PTCH1: variants seen among roughly 807,000 people sequenced by gnomAD.
PTCH1 encodes patched 1.
PTCH1 carries 14 observed loss-of-function variants against 144.6 expected under a neutral mutation model. That is an observed-to-expected ratio of 0.10 (90% CI 0.06 to 0.15). The LOEUF (loss-of-function observed/expected upper bound fraction) is 0.15, where lower values mean the gene tolerates loss of function less well. Among genes scored for constraint, PTCH1 ranks in the 10% least tolerant of loss-of-function variants. The pLI is 1.00. For missense variants in PTCH1, 1,623 were observed against 1,948.3 expected (o/e 0.83, Z 3.14); for synonymous variants, 833 against 793.6 (o/e 1.05, Z -0.83).
At chr9:95,487,365 G>A (rs1450350036) in intron 2 of PTCH1, among the ~76,000 whole-genome samples, 1 of 152,204 alleles carries the variant, frequency 6.6e-6, no homozygotes, top group African/African-American at 2.4e-5. Flanking sequence ...GGGCATTGCC[G>A]AGGGCCTTGC....
intron 12 of PTCH1, among the ~76,000 whole-genome samples, chr9:95,472,212 A>T (rs1004571646): frequency 2.0e-5 from 3 of 152,168 alleles, no homozygotes; most frequent in Non-Finnish European, 4.4e-5. Context: ...GATCGTTCAT[A>T]CCTGATTCAT....
At chr9:95,493,142 G>A (rs1300349823) in intron 2 of PTCH1, among the ~76,000 whole-genome samples, 1 of 152,206 alleles carries the variant, frequency 6.6e-6, no homozygotes, top group Non-Finnish European at 1.5e-5. Flanking sequence ...AGCTGACCCA[G>A]AGGCCCATAC....
At chr9:95,516,623 C>A in exon 1 of PTCH1, 1 of 1,608,678 alleles carries the variant, frequency 6.2e-7, no homozygotes, top group East Asian at 2.2e-5. Flanking sequence ...TCCCCCTTGC[C>A]TTGTCGCTGC....
intron 3 of PTCH1, 38 bp downstream of exon 3, chr9:95,485,647 C>CCTG (rs1419554208): frequency 1.2e-6 from 2 of 1,612,726 alleles, no homozygotes; most frequent in African/African-American, 2.7e-5. Context: ...CACCGCCTTA[C>CCTG]CTGCTGCTCA....
chr9:95,476,114 G>A lies in PTCH1; in HGVS notation c.1648C>T (p.Leu550Phe). 1 of 1,613,724 alleles carries A rather than the reference G, an allele frequency of 6.2e-7. No homozygotes were observed. Among genetic ancestry groups the A allele is most frequent in the Non-Finnish European group, 8.5e-7 (1 of 1,179,862 alleles). ...GCTGTGACATTGCTGATGGACGTGAGGGCCACGCTGGCTCCTGTGCGCTTC... is the reference window on the plus strand; with the variant it reads ...GCTGTGACATTGCTGATGGACGTGAAGGCCACGCTGGCTCCTGTGCGCTTC... ...CLKRTGASVA[L>F]TSISNVTAFF... The change falls in exon 12 of 24, where the codon CTC becomes TTC. Residue 550 changes from leucine (L) to phenylalanine (F), a missense_variant. Coordinates refer to ENST00000331920, the MANE Select transcript of PTCH1 (RefSeq NM_000264.5). The surrounding 1 kb of genome is among the most constrained non-coding windows in gnomAD (Gnocchi z 4.6).
At chr9:95,469,696 T>G in intron 13 of PTCH1, 117 bp downstream of exon 13, 10 of 1,050,818 alleles carry the variant, frequency 9.5e-6, no homozygotes, top group Non-Finnish European at 1.5e-5. Context: ...CCCTACGTTC[T>G]CCACACCAGC....
At chr9:95,488,378 T>C (rs1446222833) in intron 2 of PTCH1, among the ~76,000 whole-genome samples, 1 of 152,214 alleles carries the variant, frequency 6.6e-6, no homozygotes, top group Non-Finnish European at 1.5e-5. Flanking sequence ...GCCAAGCAAC[T>C]AGAGTTGAGA....
upstream of PTCH1, among the ~76,000 whole-genome samples, chr9:95,511,393 C>T (rs1003866199): frequency 4.6e-5 from 7 of 152,222 alleles, no homozygotes; most frequent in East Asian, 7.7e-4. Context: ...GGAGGCCCTT[C>T]CCCCGACCCC....
At chr9:95,515,110 C>T (rs1055491298) in intron 1 of PTCH1, among the ~76,000 whole-genome samples, 9 of 152,096 alleles carry the variant, frequency 5.9e-5, no homozygotes, top group African/African-American at 2.2e-4. Flanking sequence ...TTTTAAGTTG[C>T]AATAACAAAG....
chr9:95,485,133 G>T (rs1841866813), intron 3 of PTCH1, among the ~76,000 whole-genome samples: 1 of 152,036 alleles, frequency 6.6e-6, no homozygotes, highest in South Asian at 2.1e-4. Context: ...TTAAACCCGG[G>T]AGGCAGAGGT....
rs749296474 is a variant in PTCH1 at position 95,476,804 on chromosome 9, G to A, written c.1557C>T (p.Ala519=). ...TCTGTCCTGTTTCACTGAAGGCGTG[G>A]GCCAGAAGAAAAACATCATCCACAC... ...GVGVDDVFLL[A]HAFSETGQNK... The change falls in exon 11 of 24, where the codon GCC becomes GCT. Residue 519 remains alanine (A), a synonymous_variant. Transcript: ENST00000331920. This position sits in a 1 kb window ranked among gnomAD's most constrained non-coding sequence, Gnocchi z 4.6. 3 of 1,614,046 alleles carry A rather than the reference G, an allele frequency of 1.9e-6. No homozygotes were observed. In the East Asian group the frequency reaches 6.7e-5, roughly 36 times the overall value.
intron 2 of PTCH1, among the ~76,000 whole-genome samples, chr9:95,492,062 G>A (rs1842443583): frequency 6.6e-6 from 1 of 152,120 alleles, no homozygotes; most frequent in Admixed American, 6.5e-5. Flanking sequence ...GAAACATTCT[G>A]AAAAGCCATC....
rs1554702047 is a variant in PTCH1, at chr9:95,485,710, G to A, written c.559C>T (p.Arg187Cys). ...QHLDSALQASRVHVYMYNRQW... is the reference protein window; with the variant it reads ...QHLDSALQASCVHVYMYNRQW... ...CTGTTGTACATGTATACATGGACACGGCTGGCCTGGAGTGCCGAGTCCAGG... is the reference window on the plus strand; with the variant it reads ...CTGTTGTACATGTATACATGGACACAGCTGGCCTGGAGTGCCGAGTCCAGG... Residue 187 changes from arginine (R) to cysteine (C), a missense_variant, in exon 3 of 24, where the codon CGT becomes TGT. Around this residue, in one of 7 missense-constraint regions of PTCH1, gnomAD observed 39 missense variants for 75.6 expected, o/e 0.52. Transcript: ENST00000331920. 1.2e-6 allele frequency: 2 copies of A among 1,614,104 alleles called. No individual in the cohort carries two copies. Among genetic ancestry groups the A allele is most frequent in the Non-Finnish European group, 1.7e-6 (2 of 1,179,994 alleles).
In PTCH1 at chr9:95,469,042, T is replaced by C. The variant is rs1472803986; in HGVS notation, c.1959A>G (p.Glu653=). 6.2e-7 allele frequency: 1 copy of C among 1,613,970 alleles called. No individual in the cohort carries two copies. Among genetic ancestry groups the C allele is most frequent in the Admixed American group, 1.7e-5 (1 of 60,008 alleles). ...PPYSSHSFAH[E]TQITMQSTVQ... is the part of the protein sequence containing the mutation. ...CAGTGGACTGCATGGTAATCTGCGT[T>C]TCATGGGCAAAGCTGTGGCTGCTGT... The change falls in exon 14 of 24, where the codon GAA becomes GAG. Residue 653 remains glutamate, a synonymous_variant. Transcript: ENST00000331920.
intron 6 of PTCH1, 34 bp from the exon 7 acceptor site, chr9:95,480,124 AT>A: frequency 6.2e-7 from 1 of 1,613,486 alleles, no homozygotes; most frequent in Non-Finnish European, 8.5e-7. Flanking sequence ...AATTATGGGA[AT>A]TAGTAGGCAG....
intron 13 of PTCH1, 177 bp from the exon 14 acceptor site, chr9:95,469,330 A>C (rs1840349210): frequency 1.1e-6 from 1 of 930,984 alleles, no homozygotes; most frequent in South Asian, 1.5e-5. Flanking sequence ...CACCTGGTTC[A>C]TCGCCTGGTG....
At chr9:95,489,760 C>T (rs763413806) in intron 2 of PTCH1, among the ~76,000 whole-genome samples, 1 of 151,504 alleles carries the variant, frequency 6.6e-6, no homozygotes, top group African/African-American at 2.4e-5. Flanking sequence ...GCATAGGGAA[C>T]CAAGTTAATA....
chr9:95,516,631 T>C, exon 1 of PTCH1: 1 of 1,609,550 alleles, frequency 6.2e-7, no homozygotes, highest in South Asian at 1.1e-5. Flanking sequence ...GCCTTGTCGC[T>C]GCGGGTCTCT....
Position 95,508,389 on chromosome 9 carries a change from G to T in PTCH1, c.-28C>A. The T allele has an allele frequency of 8.8e-7, 1 of 1,137,076 alleles. No individual in the cohort carries two copies. Among genetic ancestry groups the T allele is most frequent in the Non-Finnish European group, 1.1e-6 (1 of 929,574 alleles). 70.4% of individuals were successfully genotyped at this position (1,137,076 alleles called of 1,614,324 possible). A position where few individuals can be genotyped will look rare whatever the true frequency, so the allele number is the denominator to read the frequency against. On this transcript the variant is annotated 5_prime_UTR_variant, in exon 1 of 24. Coordinates refer to ENST00000331920, the MANE Select transcript of PTCH1 (RefSeq NM_000264.5). ...TGCCGCCGCCGCCGCCGCCGCCGCGGGGACGGAGGCTTCCCGGGCGGCCCG... is the reference window on the plus strand; with the variant it reads ...TGCCGCCGCCGCCGCCGCCGCCGCGTGGACGGAGGCTTCCCGGGCGGCCCG...
Sources: gnomAD v4.1 joint callset for allele counts (sites outside exome capture counted in the v4.1 genomes callset) on GRCh38, gnomAD v4.1.1 for gene constraint, gnomAD v4.1.1 regional missense constraint, Gnocchi (gnomAD v3.1) non-coding constraint, MANE v1.5 for transcripts, NCBI Gene and HGNC (gene_info 2026-07-23, HGNC 2026-07-21) for gene names.